The following DLGAP1 variants were observed in gnomAD, a reference collection of about 807,000 sequenced individuals.
The protein encoded by DLGAP1 is disks large-associated protein 1.
In DLGAP1, 11 loss-of-function variants were observed where a neutral mutation model predicts 90.8. That is an observed-to-expected ratio of 0.12 (90% CI 0.08 to 0.20). DLGAP1 has a LOEUF of 0.20. Ranked by LOEUF, DLGAP1 falls within the 10% of genes least tolerant of loss-of-function variation. The pLI is 1.00. For missense variants in DLGAP1, 1,050 were observed against 1,333.8 expected (o/e 0.79, Z 3.31); for synonymous variants, 558 against 540.7 (o/e 1.03, Z -0.44).
intron 5 of DLGAP1, among the ~76,000 whole-genome samples, chr18:3,776,722 A>C (rs1393244485): frequency 6.6e-6 from 1 of 152,236 alleles, no homozygotes; most frequent in Non-Finnish European, 1.5e-5. Context: ...CTCAGTTGCT[A>C]TTTAAAAAAC....
chr18:4,117,304 A>G (rs2076078202), intron 2 of DLGAP1, among the ~76,000 whole-genome samples: 1 of 152,244 alleles, frequency 6.6e-6, no homozygotes, highest in Non-Finnish European at 1.5e-5. Flanking sequence ...GTCCCTAGCA[A>G]ATTAATACAG....
At chr18:4,013,936 A>G (rs2074474646) in intron 2 of DLGAP1, 1 of 152,196 alleles carries the variant, frequency 6.6e-6, no homozygotes, top group Admixed American at 6.5e-5. Context: ...CATAATATAA[A>G]CAATATATTT....
At chr18:3,930,439 A>T (rs1209093308) in intron 3 of DLGAP1, among the ~76,000 whole-genome samples, 1 of 152,152 alleles carries the variant, frequency 6.6e-6, no homozygotes, top group Non-Finnish European at 1.5e-5. Context: ...TCTGTTTTAG[A>T]AGTCTACATT....
intron 3 of DLGAP1, among the ~76,000 whole-genome samples, chr18:3,956,936 G>A (rs12965992): frequency 0.66 from 100,947 of 152,106 alleles, 35,488 homozygotes; most frequent in East Asian, 0.88. Context: ...ACAGGCATGA[G>A]CCACCACACT....
chr18:3,747,539 A>G (rs559539242), intron 5 of DLGAP1, among the ~76,000 whole-genome samples: 7 of 152,342 alleles, frequency 4.6e-5, no homozygotes, highest in African/African-American at 1.4e-4. Context: ...GATATTGCCA[A>G]CATAAATGAT....
chr18:3,861,446 A>G (rs1305870003), intron 4 of DLGAP1, among the ~76,000 whole-genome samples: 1 of 152,206 alleles, frequency 6.6e-6, no homozygotes, highest in Admixed American at 6.5e-5. Flanking sequence ...GGCACATGAT[A>G]AAGGCTAAGA....
intron 1 of DLGAP1, among the ~76,000 whole-genome samples, chr18:4,379,940 T>C (rs1016206348): frequency 2.0e-5 from 3 of 152,168 alleles, no homozygotes; most frequent in African/African-American, 7.2e-5. Flanking sequence ...TAAACCAATA[T>C]ACATTACTTA....
chr18:3,551,304 T>G (rs1322902060), intron 9 of DLGAP1, among the ~76,000 whole-genome samples: 1 of 152,026 alleles, frequency 6.6e-6, no homozygotes, highest in Non-Finnish European at 1.5e-5. Context: ...CAGGCTGGAA[T>G]GTAGTGGTGG....
At chr18:3,868,108 G>A (rs931988131) in intron 4 of DLGAP1, among the ~76,000 whole-genome samples, 8 of 152,162 alleles carry the variant, frequency 5.3e-5, no homozygotes, top group Non-Finnish European at 1.0e-4. Context: ...GCTATTTATA[G>A]GCGTTTTTGA....
At chr18:3,694,829 T>C (rs933836821) in intron 7 of DLGAP1, among the ~76,000 whole-genome samples, 3 of 152,144 alleles carry the variant, frequency 2.0e-5, no homozygotes, top group Non-Finnish European at 4.4e-5. Context: ...ATTCTGTAGG[T>C]TGTCTGCTCA....
chr18:3,940,079 A>G (rs2072735697), intron 3 of DLGAP1, among the ~76,000 whole-genome samples: 1 of 152,220 alleles, frequency 6.6e-6, no homozygotes, highest in Non-Finnish European at 1.5e-5. Context: ...ATTTTGGCTT[A>G]TTCCTTATTC....
At chr18:4,225,101 T>G (rs1326175938) in intron 1 of DLGAP1, among the ~76,000 whole-genome samples, 1 of 152,114 alleles carries the variant, frequency 6.6e-6, no homozygotes, top group Non-Finnish European at 1.5e-5. Flanking sequence ...AATTCTTTTG[T>G]ATCTCATGCA....
chr18:3,769,421 T>G (rs2064410703), intron 5 of DLGAP1, among the ~76,000 whole-genome samples: 1 of 152,148 alleles, frequency 6.6e-6, no homozygotes, highest in Non-Finnish European at 1.5e-5. Context: ...AAATGAAGCG[T>G]ATGTTCACTC....
rs1181959763 is a variant in DLGAP1, at chr18:3,529,736, C to T, written c.2479+4458G>A. 3.9e-5 allele frequency among the ~76,000 whole-genome samples: 6 copies of T among 152,246 alleles called. No homozygotes were observed. In the East Asian group the frequency reaches 1.2e-3, roughly 29 times the overall value. ...AAATACACAGGGCATTACAGGAGCA[C>T]CAGGGCGATACCCAGTTCAGCTTGA... On this transcript the variant is annotated intron_variant, in intron 10 of 12. Transcript: ENST00000315677.
At chr18:3,867,000 T>TG (rs145793907) in intron 4 of DLGAP1, among the ~76,000 whole-genome samples, 19,949 of 152,122 alleles carry the variant, frequency 0.13, 1,596 homozygotes, top group East Asian at 0.3. Flanking sequence ...TACAGGCACA[T>TG]GCCACCACAC....
At chr18:4,271,872 G>A (rs1218808099) in intron 1 of DLGAP1, among the ~76,000 whole-genome samples, 1 of 152,204 alleles carries the variant, frequency 6.6e-6, no homozygotes, top group African/African-American at 2.4e-5. Context: ...TGAGGGAACA[G>A]GTAATCATGC....
intron 2 of DLGAP1, among the ~76,000 whole-genome samples, chr18:4,124,138 A>G (rs1000318916): frequency 3.3e-5 from 5 of 152,188 alleles, no homozygotes; most frequent in African/African-American, 1.2e-4. Flanking sequence ...AATCTGACAT[A>G]TGAGTATCTG....
intron 1 of DLGAP1, among the ~76,000 whole-genome samples, chr18:4,155,091 G>C (rs2076734087): frequency 6.6e-6 from 1 of 151,964 alleles, no homozygotes; most frequent in Non-Finnish European, 1.5e-5. Context: ...AGTGAGATTT[G>C]ATCAAAAACT....
intron 2 of DLGAP1, among the ~76,000 whole-genome samples, chr18:4,112,979 T>A (rs1462737689): frequency 1.3e-5 from 2 of 152,166 alleles, no homozygotes; most frequent in Non-Finnish European, 2.9e-5. Flanking sequence ...CTGTGGTATG[T>A]ATGTACCACA....
Sources: allele counts gnomAD v4.1 joint callset (sites outside exome capture counted in the v4.1 genomes callset), GRCh38; gene constraint gnomAD v4.1.1; transcripts MANE v1.5; gene names NCBI Gene and HGNC (gene_info 2026-07-23, HGNC 2026-07-21).